RPTOR: variants seen among roughly 807,000 people sequenced by gnomAD.
The protein encoded by RPTOR is regulatory-associated protein of mTOR.
RPTOR carries 21 observed loss-of-function variants against 169.9 expected under a neutral mutation model. The observed-to-expected ratio is 0.12, with a 90% CI of 0.09 to 0.18. The LOEUF (loss-of-function observed/expected upper bound fraction) is 0.18. RPTOR is among the 10% of genes least tolerant of loss of function. The pLI is 1.00. For missense variants in RPTOR, 1,133 were observed against 1,855.9 expected, an observed-to-expected ratio of 0.61 and a Z score of 7.16; for synonymous variants, 732 against 753.2, an observed-to-expected ratio of 0.97 and a Z score of 0.46.
rs182068122 is a variant in RPTOR, at chr17:80,686,349, G to A, written c.349-21492G>A. 8.6e-4 allele frequency among the ~76,000 whole-genome samples: 124 copies of A among 144,486 alleles called. 1 individual carries two copies. Among genetic ancestry groups the A allele is most frequent in the Admixed American group, 4.0e-3 (60 of 14,978 alleles). 94.8% of individuals were successfully genotyped at this position (144,486 alleles called of 152,430 possible). On this transcript the variant is annotated intron_variant, in intron 3 of 33. Coordinates refer to ENST00000306801, the MANE Select transcript of RPTOR (RefSeq NM_020761.3). The stretch of plus-strand genomic sequence containing the variant: ...CTACAGGCGCCCGCCACCACGCCTG[G>A]CTAATTTTTTTATTTTTAGTAGAGA...
chr17:80,893,789 G>A lies in RPTOR; in HGVS notation c.2325G>A (p.Glu775=), dbSNP rs1297338801. The change falls in exon 20 of 34, where the codon GAG becomes GAA. Residue 775 remains glutamate, a synonymous_variant. Coordinates refer to ENST00000306801, the MANE Select transcript of RPTOR (RefSeq NM_020761.3). ...GCACCCTGGGCAGCCCCGAGAATGA[G>A]GAGCATATCCTGTCCTTCGAGACCA... ...ASSTLGSPEN[E]EHILSFETID... The A allele has an allele frequency of 1.9e-6, 3 of 1,596,182 alleles. No homozygotes were observed. In the South Asian group the frequency reaches 3.3e-5, roughly 18 times the overall value.
At chr17:80,964,209 C>CCCCGGGGGG in intron 33 of RPTOR, 53 bp from the exon 34 acceptor site, 1 of 1,325,554 alleles carries the variant, frequency 7.5e-7, no homozygotes, top group Non-Finnish European at 1.1e-6. Flanking sequence ...CCCCGCCCCC[C>CCCCGGGGGG]GCAGTGTCTG....
intron 2 of RPTOR, among the ~76,000 whole-genome samples, chr17:80,630,056 T>C (rs562080676): frequency 1.3e-5 from 2 of 152,388 alleles, no homozygotes; most frequent in South Asian, 4.1e-4. Context: ...AGTTTCCATC[T>C]CTAGGGGAAA....
intron 1 of RPTOR, among the ~76,000 whole-genome samples, chr17:80,608,760 A>G (rs971810722): frequency 6.6e-6 from 1 of 152,014 alleles, no homozygotes; most frequent in Admixed American, 6.5e-5. Context: ...GCAGTAGCTG[A>G]CCGTGTTGGT....
chr17:80,961,988 A>G (rs2069348998), intron 31 of RPTOR, among the ~76,000 whole-genome samples: 1 of 152,234 alleles, frequency 6.6e-6, no homozygotes. Context: ...AAAACCAAAC[A>G]TAACTCTTGG....
At chr17:80,546,068 C>A (rs1017604586) in intron 1 of RPTOR, among the ~76,000 whole-genome samples, 5 of 152,110 alleles carry the variant, frequency 3.3e-5, no homozygotes, top group African/African-American at 1.2e-4. Flanking sequence ...TAGAGCATTG[C>A]GAGTATTTAC....
chr17:80,690,904 C>A (rs1050625519), intron 3 of RPTOR, among the ~76,000 whole-genome samples: 13 of 152,180 alleles, frequency 8.5e-5, no homozygotes, highest in African/African-American at 3.1e-4. Flanking sequence ...AAGTGATCCT[C>A]CCACCTGAGA....
chr17:80,789,489 T>C (rs916379591), intron 6 of RPTOR, among the ~76,000 whole-genome samples: 7 of 152,238 alleles, frequency 4.6e-5, no homozygotes, highest in African/African-American at 1.4e-4. Flanking sequence ...ACTCTGCGTT[T>C]TCAACCTTCC....
chr17:80,600,097 T>C (rs2065174450), intron 1 of RPTOR, among the ~76,000 whole-genome samples: 1 of 152,158 alleles, frequency 6.6e-6, no homozygotes. Flanking sequence ...AAGTGCAGTG[T>C]CTGGCCTTTC....
At chr17:80,780,685 AC>A (rs977590665) in intron 6 of RPTOR, among the ~76,000 whole-genome samples, 2 of 152,104 alleles carry the variant, frequency 1.3e-5, no homozygotes, top group African/African-American at 4.8e-5. Context: ...ATTTGCACAC[AC>A]GTCAGGTGAG....
At chr17:80,798,187 G>A (rs1598310973) in intron 7 of RPTOR, among the ~76,000 whole-genome samples, 1 of 152,198 alleles carries the variant, frequency 6.6e-6, no homozygotes, top group African/African-American at 2.4e-5. Flanking sequence ...TGACATGGAA[G>A]CCCAGAGGTT....
intron 3 of RPTOR, among the ~76,000 whole-genome samples, chr17:80,681,311 T>C (rs1346545930): frequency 6.6e-6 from 1 of 152,216 alleles, no homozygotes. Flanking sequence ...GTGCCTGAGT[T>C]GTGGAAACAC....
At chr17:80,903,064 G>T (rs1448199541) in intron 20 of RPTOR, among the ~76,000 whole-genome samples, 1 of 152,204 alleles carries the variant, frequency 6.6e-6, no homozygotes, top group Non-Finnish European at 1.5e-5. Context: ...CATTTTTTAC[G>T]GTTTTGAAAA....
At chr17:80,919,896 AG>A (rs2068724334) in intron 21 of RPTOR, among the ~76,000 whole-genome samples, 2 of 152,248 alleles carry the variant, frequency 1.3e-5, no homozygotes, top group African/African-American at 4.8e-5. Flanking sequence ...TGACCTCTGC[AG>A]GCTGCGAGTG....
chr17:80,670,309 C>T (rs1344687974), intron 3 of RPTOR, among the ~76,000 whole-genome samples: 1 of 152,166 alleles, frequency 6.6e-6, no homozygotes, highest in Non-Finnish European at 1.5e-5. Context: ...TTGTCCGTGT[C>T]GGGAATTTGC....
chr17:80,652,531 T>C (rs2065649068), intron 3 of RPTOR, among the ~76,000 whole-genome samples: 1 of 152,264 alleles, frequency 6.6e-6, no homozygotes, highest in Non-Finnish European at 1.5e-5. Flanking sequence ...GGTCTCGCTT[T>C]ATTGCTCAGG....
At chr17:80,734,960 G>A (rs1386527193) in intron 5 of RPTOR, among the ~76,000 whole-genome samples, 1 of 152,202 alleles carries the variant, frequency 6.6e-6, no homozygotes, top group Non-Finnish European at 1.5e-5. Flanking sequence ...CTGTGTGTGG[G>A]TTATATGCAA....
At chr17:80,822,905 G>A (rs1051801859) in intron 8 of RPTOR, among the ~76,000 whole-genome samples, 174 bp from the exon 9 acceptor site, 1 of 152,148 alleles carries the variant, frequency 6.6e-6, no homozygotes, top group East Asian at 1.9e-4. Flanking sequence ...GCACGTGTGT[G>A]TATGTTTAAG....
At chr17:80,817,456 G>A (rs183858204) in intron 7 of RPTOR, among the ~76,000 whole-genome samples, 282 of 146,856 alleles carry the variant, frequency 1.9e-3, no homozygotes, top group Non-Finnish European at 3.6e-3. Context: ...AGCTGAAGGC[G>A]CCCCCGAGAA....
Sources: gnomAD v4.1 joint callset for allele counts (sites outside exome capture counted in the v4.1 genomes callset) on GRCh38, gnomAD v4.1.1 for gene constraint, MANE v1.5 for transcripts, NCBI Gene and HGNC (gene_info 2026-07-23, HGNC 2026-07-21) for gene names.